The following NOB1 variants were observed in gnomAD, a reference collection of about 807,000 sequenced individuals.
NOB1 encodes the protein NIN1 (RPN12) binding protein 1 homolog.
NOB1 carries 44 observed loss-of-function variants against 44.8 expected under a neutral mutation model. The ratio of observed to expected loss-of-function variants is 0.98; its 90% CI spans 0.77 to 1.26. NOB1 has a LOEUF of 1.26. NOB1 is among the 50% of genes most tolerant of loss of function. The probability of loss-of-function intolerance (pLI) is 0.00; values close to 1 mark genes in which losing one functional copy is unlikely to be tolerated. For missense variants in NOB1, 560 were observed against 544.8 expected, an observed-to-expected ratio of 1.03 and a Z score of -0.28; for synonymous variants, 238 against 218.7, an observed-to-expected ratio of 1.09 and a Z score of -0.78.
At position 69,749,642 on chromosome 16, in the gene NOB1, CA is replaced by C; in HGVS notation, c.328-13del. The C allele has an allele frequency of 6.3e-7, 1 of 1,578,862 alleles. No individual in the cohort carries two copies. Among genetic ancestry groups the C allele is most frequent in the Non-Finnish European group, 8.6e-7 (1 of 1,164,878 alleles). On this transcript the variant is annotated splice_polypyrimidine_tract_variant and intron_variant, in intron 3 of 8. Coordinates refer to ENST00000268802, the MANE Select transcript of NOB1 (RefSeq NM_014062.3). ...GAGCTCACCTTAACCTTTAAAAAAA[CA>C]AAAAACATATACCTCTTGTTATCAA...
Position 69,754,690 on chromosome 16 carries a change from C to T in NOB1, c.100G>A (p.Val34Ile). ...GTGGCCTTGTCCCGAATCTCAGTGA[C>T]CACCTCCCGGATGGTGTAAATGTTC... ...GKNIYTIREVVTEIRDKATRR... is the reference protein window; with the variant it reads ...GKNIYTIREVITEIRDKATRR... Residue 34 changes from valine (V) to isoleucine (I), a missense_variant, in exon 2 of 9, where the codon GTC becomes ATC. Val to Ile is a conservative substitution (Grantham distance 29). Coordinates refer to ENST00000268802, the MANE Select transcript of NOB1 (RefSeq NM_014062.3). The T allele has an allele frequency of 6.2e-7, 1 of 1,614,234 alleles. No homozygotes were observed.
intron 2 of NOB1, among the ~76,000 whole-genome samples, chr16:69,754,215 G>A (rs2038505636): frequency 6.6e-6 from 1 of 152,250 alleles, no homozygotes; most frequent in Admixed American, 6.5e-5. Flanking sequence ...AAATGGACGA[G>A]AGTAATAGCA....
Position 69,752,280 on chromosome 16 carries a change from C to T in NOB1, c.288G>A (p.Glu96=). The change falls in exon 3 of 9, where the codon GAG becomes GAA. Residue 96 remains glutamate (E), a synonymous_variant. Transcript: ENST00000268802. ...VLALTYQLEA[E]FVGVSHLKQE... is the part of the protein sequence containing the mutation. ...GTTTTAGGTGAGACACCCCAACAAA[C>T]TCTGCTTCCAACTGGTATGTGAGTG... The T allele has an allele frequency of 6.2e-7, 1 of 1,613,240 alleles. No individual in the cohort carries two copies. The highest frequency in any genetic ancestry group is 1.1e-5 in the South Asian group (1 of 91,044).
At chr16:69,753,243 T>G (rs1404428294) in intron 2 of NOB1, among the ~76,000 whole-genome samples, 1 of 152,162 alleles carries the variant, frequency 6.6e-6, no homozygotes, top group Admixed American at 6.5e-5. Context: ...AGTTTCAGAT[T>G]TAGGAGCATT....
intron 7 of NOB1, among the ~76,000 whole-genome samples, chr16:69,745,980 G>A (rs568650035): frequency 1.3e-3 from 205 of 152,360 alleles, no homozygotes; most frequent in Non-Finnish European, 2.3e-3. Context: ...AAAGGACGTT[G>A]GAGAAAATGG....
Position 69,742,485 on chromosome 16 carries a change from G to A in NOB1, c.1086C>T (p.Phe362=), listed in dbSNP as rs199823310. Reference sequence around the variant, plus strand: ...ACACCCCGGCGATGTAGTCAGGGGCGAACACGTTGGTTTTCTGCCTGGCCT... The same window carrying A: ...ACACCCCGGCGATGTAGTCAGGGGCAAACACGTTGGTTTTCTGCCTGGCCT... ...SQKARQKTNV[F]APDYIAGVSP... The change falls in exon 9 of 9, where the codon TTC becomes TTT. Residue 362 remains phenylalanine, a synonymous_variant. Coordinates refer to ENST00000268802, the MANE Select transcript of NOB1 (RefSeq NM_014062.3). 4.3e-6 allele frequency: 7 copies of A among 1,614,234 alleles called. No individual in the cohort carries two copies. Among genetic ancestry groups the A allele is most frequent in the East Asian group, 2.2e-5 (1 of 44,886 alleles).
chr16:69,749,187 C>G, intron 5 of NOB1, 26 bp downstream of exon 5: 1 of 1,613,036 alleles, frequency 6.2e-7, no homozygotes, highest in Non-Finnish European at 8.5e-7. Context: ...GAGCTGTCGT[C>G]AGAAGACCAA....
chr16:69,753,997 G>A (rs2038503640), intron 2 of NOB1, among the ~76,000 whole-genome samples: 1 of 152,142 alleles, frequency 6.6e-6, no homozygotes, highest in South Asian at 2.1e-4. Context: ...TAGAGGCAGG[G>A]TTTCACCATG....
intron 6 of NOB1, among the ~76,000 whole-genome samples, 170 bp from the exon 7 acceptor site, chr16:69,748,499 TGTCTTTCTAACACC>T (rs2038452924): frequency 6.6e-6 from 1 of 152,172 alleles, no homozygotes; most frequent in Non-Finnish European, 1.5e-5. Flanking sequence ...AAGGCCCAGG[TGTCTTTCTAACACC>T]GTCCTGGAGC....
intron 7 of NOB1, among the ~76,000 whole-genome samples, chr16:69,747,681 G>C (rs893793392): frequency 6.6e-6 from 1 of 152,130 alleles, no homozygotes; most frequent in African/African-American, 2.4e-5. Context: ...AAAGAATGAG[G>C]CTCACTGTTC....
rs544753663 is a variant in NOB1 at position 69,748,396 on chromosome 16, G to T, written c.727-67C>A. On this transcript the variant is annotated intron_variant, in intron 6 of 8. Coordinates refer to ENST00000268802, the MANE Select transcript of NOB1 (RefSeq NM_014062.3). Reference sequence around the variant, plus strand: ...ATTTCATTTTGTAATTACAGTTAAGGGAACTTCACAAACCCTGCCTTGCCC... The same window carrying T: ...ATTTCATTTTGTAATTACAGTTAAGTGAACTTCACAAACCCTGCCTTGCCC... 49 of 1,450,612 alleles carry T rather than the reference G, an allele frequency of 3.4e-5. No individual in the cohort carries two copies. The African/African-American group carries it at 6.4e-4, about 19-fold the overall frequency. 89.9% of individuals were successfully genotyped at this position (1,450,612 alleles called of 1,614,324 possible).
At position 69,752,346 on chromosome 16, in the gene NOB1, T is replaced by C. The variant is rs771872632; in HGVS notation, c.222A>G (p.Gly74=). The change falls in exon 3 of 9, where the codon GGA becomes GGG. Residue 74 remains glycine, a synonymous_variant. Coordinates refer to ENST00000268802, the MANE Select transcript of NOB1 (RefSeq NM_014062.3). ...CCGTGGCAGAGAGGCTGGGGTAGTCTCCTGTTTTCTTTGAAAACTCAGTCA... is the reference window on the plus strand; with the variant it reads ...CCGTGGCAGAGAGGCTGGGGTAGTCCCCTGTTTTCTTTGAAAACTCAGTCA... ...RLVTEFSKKT[G]DYPSLSATDI... is the part of the protein sequence containing the mutation. The C allele has an allele frequency of 2.4e-5, 39 of 1,613,168 alleles. 1 individual carries two copies. The Admixed American group carries it at 6.5e-4, about 27-fold the overall frequency.
chr16:69,750,985 A>T (rs2038478105), intron 3 of NOB1, among the ~76,000 whole-genome samples: 1 of 152,248 alleles, frequency 6.6e-6, no homozygotes, highest in Non-Finnish European at 1.5e-5. Context: ...ACCTAGCCAC[A>T]GTGGGTAAGA....
In NOB1 at chr16:69,752,323, G is replaced by A. The variant is rs781381974; in HGVS notation, c.245C>T (p.Thr82Met). The A allele has an allele frequency of 1.7e-5, 28 of 1,613,784 alleles. No homozygotes were observed. The highest frequency in any genetic ancestry group is 1.2e-4 in the South Asian group (11 of 91,072). ...KTGDYPSLSATDIQVLALTYQ... is the reference protein window; with the variant it reads ...KTGDYPSLSAMDIQVLALTYQ... ...TGTGAGTGCAAGCACTTGGATGTCC[G>A]TGGCAGAGAGGCTGGGGTAGTCTCC... The change falls in exon 3 of 9, where the codon ACG becomes ATG. Residue 82 changes from threonine to methionine, a missense_variant. Thr to Met is a moderately conservative substitution (Grantham distance 81). Coordinates refer to ENST00000268802, the MANE Select transcript of NOB1 (RefSeq NM_014062.3).
intron 7 of NOB1, among the ~76,000 whole-genome samples, chr16:69,747,407 G>C (rs570375304): frequency 1.1e-4 from 17 of 152,132 alleles, no homozygotes; most frequent in African/African-American, 3.6e-4. Context: ...AAGTGAATCA[G>C]CTTTTGCAAA....
intron 3 of NOB1, among the ~76,000 whole-genome samples, chr16:69,751,836 C>T (rs1337800514): frequency 6.6e-6 from 1 of 152,044 alleles, no homozygotes; most frequent in Admixed American, 6.5e-5. Flanking sequence ...CCGAGGCGGG[C>T]GCATCACCTG....
chr16:69,752,044 G>A (rs974560635), intron 3 of NOB1, among the ~76,000 whole-genome samples, 197 bp downstream of exon 3: 6 of 151,732 alleles, frequency 4.0e-5, no homozygotes, highest in African/African-American at 9.7e-5. Context: ...CAGCCTGGGC[G>A]ACAGAGCAAG....
At chr16:69,746,821 T>G (rs1274997803) in intron 7 of NOB1, among the ~76,000 whole-genome samples, 1 of 147,982 alleles carries the variant, frequency 6.8e-6, no homozygotes, top group East Asian at 2.0e-4. Flanking sequence ...ACAGGAGAAT[T>G]GCTTGAACCC....
At chr16:69,742,880 A>G (rs1485627766) in intron 8 of NOB1, among the ~76,000 whole-genome samples, 1 of 152,252 alleles carries the variant, frequency 6.6e-6, no homozygotes, top group East Asian at 1.9e-4. Flanking sequence ...GTGTGTATTT[A>G]CACACACATG....
Sources: allele counts gnomAD v4.1 joint callset (sites outside exome capture counted in the v4.1 genomes callset), GRCh38; gene constraint gnomAD v4.1.1; transcripts MANE v1.5; gene names NCBI Gene and HGNC (gene_info 2026-07-23, HGNC 2026-07-21).